CPS1: variants seen among roughly 807,000 people sequenced by gnomAD.
The protein encoded by CPS1 is carbamoyl-phosphate synthase 1.
A neutral mutation model predicts 174.6 loss-of-function variants in CPS1; 109 were observed. That is an observed-to-expected ratio of 0.62 (90% CI 0.53 to 0.73). The LOEUF (loss-of-function observed/expected upper bound fraction) is 0.73, where lower values mean the gene tolerates loss of function less well. CPS1 is among the 30% of genes least tolerant of loss of function. CPS1 has a pLI of 0.00. For synonymous variants in CPS1, 637 were observed against 632.0 expected, an observed-to-expected ratio of 1.01 and a Z score of -0.12; for missense variants, 1,689 against 1,821.9, an observed-to-expected ratio of 0.93 and a Z score of 1.33.
chr2:210,555,468 C>G (rs1388215333), upstream of CPS1, among the ~76,000 whole-genome samples: 1 of 151,954 alleles, frequency 6.6e-6, no homozygotes, highest in Admixed American at 6.6e-5. Context: ...TCACCAGGAG[C>G]CATGAAGCAC....
rs77724946 is a variant in CPS1 at position 210,567,955 on chromosome 2, A to G, written c.127-5343A>G. On this transcript the variant is annotated intron_variant, in intron 1 of 37. Coordinates refer to ENST00000233072, the MANE Select transcript of CPS1 (RefSeq NM_001875.5). ...CAGCATTGTAACATGCTAATATCAC[A>G]TAATGAAGTACATTTCTATGCATTC... Among the ~76,000 whole-genome samples the G allele has an allele frequency of 0.013, 1,926 of 152,332 alleles. 124 individuals carry two copies. The East Asian group carries it at 0.18, about 14-fold the overall frequency.
chr2:210,511,283 A>G (rs1171839594), intron 1 of CPS1, among the ~76,000 whole-genome samples: 4 of 152,126 alleles, frequency 2.6e-5, no homozygotes, highest in Non-Finnish European at 2.9e-5. Context: ...TCGCAAGGAG[A>G]AAAAACCAAA....
intron 1 of CPS1, among the ~76,000 whole-genome samples, chr2:210,500,154 C>T (rs1186295320): frequency 1.3e-5 from 2 of 151,982 alleles, no homozygotes; most frequent in Non-Finnish European, 2.9e-5. Flanking sequence ...GGGAACCGCC[C>T]CCATGATTCA....
chr2:210,483,558 C>T (rs1189871751), intron 1 of CPS1, among the ~76,000 whole-genome samples: 4 of 152,176 alleles, frequency 2.6e-5, no homozygotes, highest in Non-Finnish European at 2.9e-5. Context: ...TAGCTCCAGC[C>T]ACCAGCATTT....
intron 29 of CPS1, among the ~76,000 whole-genome samples, chr2:210,654,854 T>C (rs1270328246): frequency 6.6e-6 from 1 of 152,192 alleles, no homozygotes; most frequent in Non-Finnish European, 1.5e-5. Flanking sequence ...CAGATTAGCA[T>C]TTCAGAGTAG....
rs970713448 is a variant in CPS1 at position 210,494,637 on chromosome 2, TA to T, written c.3+16872del. On this transcript the variant is annotated intron_variant, in intron 1 of 38. Transcript: ENST00000430249. ...CATTTCAATAAATGAATGCAAAAAA[TA>T]GTAAAAAAAATACAGCAGGATCATG... is the stretch of plus-strand genomic sequence containing the variant. Among the ~76,000 whole-genome samples, 51 of 151,748 alleles carry T rather than the reference TA, an allele frequency of 3.4e-4. 1 individual carries two copies. Among genetic ancestry groups the T allele is most frequent in the Non-Finnish European group, 6.8e-4 (46 of 67,962 alleles).
chr2:210,573,338 T>C lies in CPS1; in HGVS notation c.167T>C (p.Met56Thr). The change falls in exon 2 of 38, where the codon ATG becomes ACG. Residue 56 changes from methionine (M) to threonine (T), a missense_variant. Physicochemically the swap from Met to Thr is moderately conservative, Grantham distance 81. Transcript: ENST00000233072. ...AHIVLEDGTKMKGYSFGHPSS... is the reference protein window; with the variant it reads ...AHIVLEDGTKTKGYSFGHPSS... The stretch of plus-strand genomic sequence containing the variant: ...ATTGTCCTGGAAGATGGAACTAAGA[T>C]GAAAGGTTACTCCTTTGGCCATCCA... 6.2e-7 allele frequency: 1 copy of C among 1,613,286 alleles called. No individual in the cohort carries two copies. Among genetic ancestry groups the C allele is most frequent in the Non-Finnish European group, 8.5e-7 (1 of 1,179,308 alleles).
intron 1 of CPS1, among the ~76,000 whole-genome samples, chr2:210,517,686 T>G: frequency 6.6e-6 from 1 of 152,030 alleles, no homozygotes; most frequent in East Asian, 1.9e-4. Context: ...TCCTGATTGT[T>G]GTTTCTTCCA....
chr2:210,670,502 T>C (rs1701264826), intron 34 of CPS1, among the ~76,000 whole-genome samples: 4 of 152,162 alleles, frequency 2.6e-5, no homozygotes. Context: ...ATAAAGTAAT[T>C]AGGGTTCCAT....
intron 1 of CPS1, among the ~76,000 whole-genome samples, chr2:210,527,977 A>G (rs1343271704): frequency 6.6e-6 from 1 of 151,876 alleles, no homozygotes; most frequent in African/African-American, 2.4e-5. Flanking sequence ...ATAAGCTTGC[A>G]TTTATTGGTG....
At chr2:210,621,182 G>C (rs1435886968) in intron 21 of CPS1, among the ~76,000 whole-genome samples, 1 of 152,096 alleles carries the variant, frequency 6.6e-6, no homozygotes, top group Non-Finnish European at 1.5e-5. Context: ...TTATAGGCTG[G>C]TGTAGTAGCA....
intron 7 of CPS1, 105 bp downstream of exon 7, chr2:210,588,252 C>T (rs1698171530): frequency 2.2e-6 from 2 of 927,830 alleles, no homozygotes; most frequent in Admixed American, 3.7e-5. Flanking sequence ...TTCAGAATGT[C>T]AGGGGTCTAC....
intron 21 of CPS1, among the ~76,000 whole-genome samples, chr2:210,631,607 T>C (rs938000545): frequency 6.6e-6 from 1 of 152,206 alleles, no homozygotes; most frequent in African/African-American, 2.4e-5. Flanking sequence ...CATTTTGTGC[T>C]GCTAAGTAGA....
At chr2:210,481,074 T>G (rs1044250472) in intron 1 of CPS1, among the ~76,000 whole-genome samples, 17 of 152,230 alleles carry the variant, frequency 1.1e-4, no homozygotes, top group African/African-American at 4.1e-4. Context: ...ACAGATTCCT[T>G]TCTCTCAATG....
At position 210,499,844 on chromosome 2, in the gene CPS1, G is replaced by A. The variant is rs567519483; in HGVS notation, c.3+22078G>A. Among the ~76,000 whole-genome samples the A allele has an allele frequency of 9.1e-4, 139 of 152,240 alleles. 1 individual carries two copies. Among genetic ancestry groups the A allele is most frequent in the Non-Finnish European group, 1.7e-3 (114 of 68,010 alleles). On this transcript the variant is annotated intron_variant, in intron 1 of 38. Coordinates refer to the CPS1 transcript ENST00000430249. ...GCCATCATGAGGGCTGTTTGCCCACGTTCTTCTCCTTGGGAGCTGGAGTAT... is the reference window on the plus strand; with the variant it reads ...GCCATCATGAGGGCTGTTTGCCCACATTCTTCTCCTTGGGAGCTGGAGTAT...
intron 20 of CPS1, 70 bp downstream of exon 20, chr2:210,612,363 TA>T (rs1699161268): frequency 6.4e-7 from 1 of 1,557,902 alleles, no homozygotes; most frequent in African/African-American, 1.4e-5. Context: ...GACATTAAAA[TA>T]AAACTGAATC....
intron 20 of CPS1, among the ~76,000 whole-genome samples, chr2:210,612,986 G>A (rs904525945): frequency 6.6e-6 from 1 of 151,932 alleles, no homozygotes; most frequent in Admixed American, 6.6e-5. Context: ...TGGGCAGCTG[G>A]AATCTGTCTG....
Position 210,595,577 on chromosome 2 carries a change from A to G in CPS1, c.1354A>G (p.Met452Val). ...CTCAGGATCTCAAGCTGTAAAAGCC[A>G]TGAAGGTGAGAGAATATGATCCTTA... Reference protein sequence around the residue: ...DYSGSQAVKAMKEENVKTVLM... With the variant: ...DYSGSQAVKAVKEENVKTVLM... The change falls in exon 13 of 38, where the codon ATG (methionine) becomes GTG (valine). Residue 452 changes from methionine (M) to valine (V), a missense_variant. Coordinates refer to ENST00000233072, the MANE Select transcript of CPS1 (RefSeq NM_001875.5). 2 of 1,606,018 alleles carry G rather than the reference A, an allele frequency of 1.2e-6. No homozygotes were observed. The highest frequency in any genetic ancestry group is 1.3e-5 in the African/African-American group (1 of 74,762).
At chr2:210,603,867 TA>T (rs1202050859) in intron 16 of CPS1, among the ~76,000 whole-genome samples, 2 of 151,878 alleles carry the variant, frequency 1.3e-5, no homozygotes, top group Non-Finnish European at 2.9e-5. Context: ...AAAGCTGCAT[TA>T]ACTTATCCAG....
Sources: gnomAD v4.1 joint callset for allele counts (sites outside exome capture counted in the v4.1 genomes callset) on GRCh38, gnomAD v4.1.1 for gene constraint, MANE v1.5 for transcripts, NCBI Gene and HGNC (gene_info 2026-07-23, HGNC 2026-07-21) for gene names.